Variants in IRS2 observed in about 807,000 individuals in gnomAD.
The protein encoded by IRS2 is insulin receptor substrate 2.
Under a neutral mutation model 70.9 loss-of-function variants are expected in IRS2, and 28 were observed. The ratio of observed to expected loss-of-function variants is 0.39; its 90% CI spans 0.29 to 0.54. The LOEUF is 0.54. Among genes scored for constraint, IRS2 ranks in the 20% least tolerant of loss-of-function variants. The pLI is 0.59. For synonymous variants in IRS2, 1,217 were observed against 981.9 expected (o/e 1.24, Z -4.48); for missense variants, 2,081 against 2,024.1 (o/e 1.03, Z -0.54).
chr13:109,777,699 T>C (rs1421109016), intron 1 of IRS2, among the ~76,000 whole-genome samples: 1 of 152,218 alleles, frequency 6.6e-6, no homozygotes, highest in Non-Finnish European at 1.5e-5. Context: ...ATTTTTAAAA[T>C]GTATATTCTA....
In IRS2 at chr13:109,783,665, C is replaced by A; in HGVS notation, c.2389G>T (p.Gly797Cys). ...GAGCTGTAGCAGCAGCCGGGAACGCCCCTGAGCGGCTCCCCGCCGGGGTGC... is the reference window on the plus strand; with the variant it reads ...GAGCTGTAGCAGCAGCCGGGAACGCACCTGAGCGGCTCCCCGCCGGGGTGC... ...ALHPGGEPLR[G>C]VPGCCYSSLP... is the part of the protein sequence containing the mutation. Residue 797 changes from glycine (G) to cysteine (C), a missense_variant, in exon 1 of 2, where the codon GGC (glycine) becomes TGC (cysteine). By Grantham distance (159) the Gly-to-Cys change is radical. Around this residue, in one of 4 missense-constraint regions of IRS2, gnomAD observed 1,615 missense variants for 1,459.5 expected, o/e 1.11. Transcript: ENST00000375856. 1 of 1,557,362 alleles carries A rather than the reference C, an allele frequency of 6.4e-7. No individual in the cohort carries two copies. Among genetic ancestry groups the A allele is most frequent in the South Asian group, 1.2e-5 (1 of 84,916 alleles).
chr13:109,781,386 G>A (rs1323990494), intron 1 of IRS2, among the ~76,000 whole-genome samples: 2 of 152,212 alleles, frequency 1.3e-5, no homozygotes, highest in African/African-American at 4.8e-5. Flanking sequence ...ATATGCTCAA[G>A]TTGAACACCA....
At chr13:109,778,636 A>G (rs1418390921) in intron 1 of IRS2, among the ~76,000 whole-genome samples, 1 of 152,224 alleles carries the variant, frequency 6.6e-6, no homozygotes, top group Non-Finnish European at 1.5e-5. Context: ...AAAACTTTTC[A>G]ACATAAATCG....
intron 1 of IRS2, among the ~76,000 whole-genome samples, chr13:109,760,204 T>C (rs1271438246): frequency 6.6e-6 from 1 of 152,246 alleles, no homozygotes; most frequent in Non-Finnish European, 1.5e-5. Flanking sequence ...ATGGCTGTTC[T>C]ACCCTGAATA....
At chr13:109,765,416 A>G (rs969772522) in intron 1 of IRS2, among the ~76,000 whole-genome samples, 3 of 151,968 alleles carry the variant, frequency 2.0e-5, no homozygotes, top group Admixed American at 2.0e-4. Context: ...ACAAGCATGT[A>G]GATATCCCAG....
At position 109,782,469 on chromosome 13, in the gene IRS2, T is replaced by G; in HGVS notation, c.3585A>C (p.Gly1195=). 1 of 1,562,254 alleles carries G rather than the reference T, an allele frequency of 6.4e-7. No homozygotes were observed. The highest frequency in any genetic ancestry group is 8.7e-7 in the Non-Finnish European group (1 of 1,154,180). The part of the protein sequence containing the change: ...SSEGGVGVGP[G]GGDEPPTSPR... ...GGGAGGTGGGCGGCTCGTCGCCCCC[T>G]CCAGGGCCGACACCCACGCCGCCCT... is the stretch of plus-strand genomic sequence containing the variant. Residue 1195 remains glycine, a synonymous_variant, in exon 1 of 2, where the codon GGA becomes GGC. Transcript: ENST00000375856.
Position 109,753,683 on chromosome 13 carries a change from A to AT in IRS2, c.*2620dup, listed in dbSNP as rs1231071536. 2 of 182,662 alleles carry AT rather than the reference A, an allele frequency of 1.1e-5. No individual in the cohort carries two copies. The highest frequency in any genetic ancestry group is 4.7e-5 in the African/African-American group (2 of 42,508). 11.3% of individuals were successfully genotyped at this position (182,662 alleles called of 1,614,324 possible). ...TCATAAATGTTGTTATCTGGCAGGT[A>AT]TTTTTTGGCTTCCAGAATAAAAGTT... On this transcript the variant is annotated 3_prime_UTR_variant, in exon 2 of 2. Coordinates refer to ENST00000375856, the MANE Select transcript of IRS2 (RefSeq NM_003749.3).
intron 1 of IRS2, among the ~76,000 whole-genome samples, chr13:109,756,843 C>T (rs752936267): frequency 6.6e-6 from 1 of 152,168 alleles, no homozygotes; most frequent in Non-Finnish European, 1.5e-5. Flanking sequence ...CTAATAACTC[C>T]ACACTTCTGC....
rs1241630494 is a variant in IRS2 at position 109,753,941 on chromosome 13, T to C, written c.*2363A>G. The C allele has an allele frequency of 1.3e-5, 3 of 232,244 alleles. No individual in the cohort carries two copies. The East Asian group carries it at 1.8e-4, about 14-fold the overall frequency. 14.4% of individuals were successfully genotyped at this position (232,244 alleles called of 1,614,324 possible). A position where few individuals can be genotyped will look rare whatever the true frequency, so the allele number is the denominator to read the frequency against. ...CAATGCACTATTCTAGTCCAGTTTA[T>C]TCTCGTCTCCAGCAGCATCACATTG... On this transcript the variant is annotated 3_prime_UTR_variant, in exon 2 of 2. Coordinates refer to ENST00000375856, the MANE Select transcript of IRS2 (RefSeq NM_003749.3).
intron 1 of IRS2, among the ~76,000 whole-genome samples, chr13:109,776,990 T>C (rs952433090): frequency 5.3e-5 from 8 of 152,206 alleles, no homozygotes. Context: ...TTTTCATTTG[T>C]TCATTAAAAC....
At chr13:109,774,281 C>T (rs1248433269) in intron 1 of IRS2, among the ~76,000 whole-genome samples, 2 of 152,112 alleles carry the variant, frequency 1.3e-5, no homozygotes, top group African/African-American at 2.4e-5. Context: ...CTGGAGTCCC[C>T]AGAACAGATC....
intron 1 of IRS2, among the ~76,000 whole-genome samples, chr13:109,756,790 T>G (rs1877116096): frequency 6.6e-6 from 1 of 152,158 alleles, no homozygotes; most frequent in East Asian, 1.9e-4. Flanking sequence ...CTGTAAACTA[T>G]GTTTATTCTA....
rs865965062 is a variant in IRS2 at position 109,782,575 on chromosome 13, G to A, written c.3479C>T (p.Pro1160Leu). The change falls in exon 1 of 2, where the codon CCC becomes CTC. Residue 1160 changes from proline (P) to leucine (L), a missense_variant. Physicochemically the swap from Pro to Leu is moderately conservative, Grantham distance 98 (BLOSUM62 -3). Around this residue, in one of 4 missense-constraint regions of IRS2, gnomAD observed 1,615 missense variants for 1,459.5 expected, o/e 1.11. Transcript: ENST00000375856. The part of the protein sequence containing the change: ...ETFSSTTTVT[P>L]VSPSFAHNPK... The stretch of plus-strand genomic sequence containing the variant: ...GTTGTGGGCGAAGGACGGGGACACG[G>A]GGGTGACCGTCGTGGTGGAGGAGAA... 6.4e-7 allele frequency: 1 copy of A among 1,571,490 alleles called. No individual in the cohort carries two copies. Among genetic ancestry groups the A allele is most frequent in the Non-Finnish European group, 8.6e-7 (1 of 1,158,968 alleles).
chr13:109,775,871 C>T (rs965209640), intron 1 of IRS2, among the ~76,000 whole-genome samples: 4 of 151,864 alleles, frequency 2.6e-5, no homozygotes, highest in Admixed American at 6.6e-5. Flanking sequence ...AGCATTAGGC[C>T]GGGCGCAGTG....
chr13:109,785,388 A>T lies in IRS2; in HGVS notation c.666T>A (p.Ser222=). The T allele has an allele frequency of 6.2e-7, 1 of 1,612,510 alleles. No homozygotes were observed. Among genetic ancestry groups the T allele is most frequent in the Non-Finnish European group, 8.5e-7 (1 of 1,179,910 alleles). The part of the protein sequence containing the change: ...NLTGVYRLCL[S]ARTIGFVKLN... ...GCTTCACGAAGCCGATGGTGCGCGC[A>T]GACAGGCACAGACGGTACACCCCCG... Residue 222 remains serine (S), a synonymous_variant, in exon 1 of 2, where the codon TCT becomes TCA. Coordinates refer to ENST00000375856, the MANE Select transcript of IRS2 (RefSeq NM_003749.3). The surrounding 1 kb of genome is among the most constrained non-coding windows in gnomAD (Gnocchi z 9.3).
chr13:109,772,625 A>T (rs60925199), intron 1 of IRS2, among the ~76,000 whole-genome samples: 30,960 of 151,404 alleles, frequency 0.2, 3,802 homozygotes, highest in African/African-American at 0.35. Context: ...GAGGCCTGAC[A>T]GCTTGCACAA....
rs569788055 is a variant in IRS2, at chr13:109,784,381, C to T, written c.1673G>A (p.Arg558Gln). 1 of 1,610,408 alleles carries T rather than the reference C, an allele frequency of 6.2e-7. No homozygotes were observed. Among genetic ancestry groups the T allele is most frequent in the East Asian group, 2.2e-5 (1 of 44,826 alleles). Residue 558 changes from arginine to glutamine, a missense_variant, in exon 1 of 2, where the codon CGG (arginine) becomes CAG (glutamine). Around this residue, in one of 4 missense-constraint regions of IRS2, gnomAD observed 1,615 missense variants for 1,459.5 expected, o/e 1.11. Coordinates refer to ENST00000375856, the MANE Select transcript of IRS2 (RefSeq NM_003749.3). The surrounding 1 kb of genome is among the most constrained non-coding windows in gnomAD (Gnocchi z 5.2). ...GTCCTGGGCCGCGTCCCCCGAGACC[C>T]GGCGGTAGGAGCGGCCACAGTGGCT... ...PLSHCGRSYR[R>Q]VSGDAAQDLD... is the part of the protein sequence containing the mutation.
intron 1 of IRS2, among the ~76,000 whole-genome samples, chr13:109,762,094 A>G (rs1877239694): frequency 6.6e-6 from 1 of 152,210 alleles, no homozygotes; most frequent in African/African-American, 2.4e-5. Context: ...AGGAGCCTGT[A>G]TAAATTTTAC....
intron 1 of IRS2, among the ~76,000 whole-genome samples, chr13:109,760,544 T>C (rs1050752024): frequency 1.3e-5 from 2 of 152,226 alleles, no homozygotes; most frequent in African/African-American, 4.8e-5. Flanking sequence ...CCATGTGACA[T>C]GTCGTGCAGT....
Sources: gnomAD v4.1 joint callset for allele counts (sites outside exome capture counted in the v4.1 genomes callset) on GRCh38, gnomAD v4.1.1 for gene constraint, gnomAD v4.1.1 regional missense constraint, Gnocchi (gnomAD v3.1) non-coding constraint, MANE v1.5 for transcripts, NCBI Gene and HGNC (gene_info 2026-07-23, HGNC 2026-07-21) for gene names.